The following LARGE1 variants were observed in gnomAD, a reference collection of about 807,000 sequenced individuals.
LARGE1 encodes the protein xylosyl- and glucuronyltransferase LARGE1.
LARGE1 carries 43 observed loss-of-function variants against 87.6 expected under a neutral mutation model. The ratio of observed to expected loss-of-function variants is 0.49; its 90% CI spans 0.38 to 0.63. The LOEUF (loss-of-function observed/expected upper bound fraction) is 0.63, where lower values mean the gene tolerates loss of function less well. Among genes scored for constraint, LARGE1 ranks in the 30% least tolerant of loss-of-function variants. The pLI is 0.00. For missense variants in LARGE1, 802 were observed against 1,000.2 expected (o/e 0.80, Z 2.67); for synonymous variants, 434 against 394.6 (o/e 1.10, Z -1.18).
rs145140256 is a variant in LARGE1 at position 33,415,076 on chromosome 22, T to A, written c.892+17085A>T. On this transcript the variant is annotated intron_variant, in intron 7 of 14. Coordinates refer to ENST00000397394, the MANE Select transcript of LARGE1 (RefSeq NM_133642.5). ...GATCCTGGGGTGTGGAGAGGTGGCT[T>A]GAGTATCTTCAGGTCAGGATGCATG... Among the ~76,000 whole-genome samples the A allele has an allele frequency of 1.9e-3, 296 of 152,286 alleles. 1 individual carries two copies. The highest frequency in any genetic ancestry group is 6.9e-3 in the African/African-American group (288 of 41,566).
At chr22:33,262,318 C>A (rs1927677924) in intron 11 of LARGE1, among the ~76,000 whole-genome samples, 1 of 152,206 alleles carries the variant, frequency 6.6e-6, no homozygotes, top group Non-Finnish European at 1.5e-5. Flanking sequence ...TTCAGTCAAA[C>A]CCTTTCTGGG....
At chr22:33,795,882 G>C (rs1427519817) in intron 1 of LARGE1, among the ~76,000 whole-genome samples, 1 of 151,932 alleles carries the variant, frequency 6.6e-6, no homozygotes, top group East Asian at 1.9e-4. Flanking sequence ...ATAGCATTAG[G>C]AGATATACCT....
At chr22:33,879,236 GA>G (rs1278902715) in intron 1 of LARGE1, among the ~76,000 whole-genome samples, 1 of 152,198 alleles carries the variant, frequency 6.6e-6, no homozygotes, top group Non-Finnish European at 1.5e-5. Flanking sequence ...AAAGTGGTGG[GA>G]TTACAGGCGT....
At chr22:33,795,450 G>C (rs1277897209) in intron 1 of LARGE1, among the ~76,000 whole-genome samples, 1 of 152,192 alleles carries the variant, frequency 6.6e-6, no homozygotes, top group East Asian at 1.9e-4. Flanking sequence ...GAGAGACAAA[G>C]AGAGAAACAC....
intron 6 of LARGE1, among the ~76,000 whole-genome samples, chr22:33,531,167 G>GT (rs1380197709): frequency 6.6e-6 from 1 of 151,986 alleles, no homozygotes; most frequent in Non-Finnish European, 1.5e-5. Context: ...GTTTTGTTTT[G>GT]TTTTTTTGAG....
intron 7 of LARGE1, among the ~76,000 whole-genome samples, chr22:33,395,161 G>A (rs1055133768): frequency 6.7e-6 from 1 of 148,410 alleles, no homozygotes; most frequent in Non-Finnish European, 1.5e-5. Flanking sequence ...CCCCGGAGGC[G>A]GAGCTTGCAG....
chr22:33,804,874 AG>A (rs758469796), intron 1 of LARGE1, among the ~76,000 whole-genome samples: 52 of 152,198 alleles, frequency 3.4e-4, no homozygotes, highest in Non-Finnish European at 5.7e-4. Flanking sequence ...TGGCCTGCAA[AG>A]GCCAGCAACC....
chr22:33,254,017 C>A (rs1004551789), intron 11 of LARGE1, among the ~76,000 whole-genome samples: 1 of 151,188 alleles, frequency 6.6e-6, no homozygotes, highest in Admixed American at 6.6e-5. Context: ...TGACCAAGTT[C>A]TAGCCAATAA....
intron 10 of LARGE1, 77 bp from the exon 11 acceptor site, chr22:33,316,325 G>A: frequency 1.4e-6 from 2 of 1,438,996 alleles, no homozygotes; most frequent in Admixed American, 1.8e-5. Context: ...CTTGAGCCCT[G>A]CCCTCCCCTG....
intron 4 of LARGE1, among the ~76,000 whole-genome samples, chr22:33,616,729 G>A (rs775567836): frequency 5.9e-5 from 9 of 152,260 alleles, no homozygotes; most frequent in Non-Finnish European, 1.0e-4. Flanking sequence ...ACTAAATACT[G>A]TATGATTTCA....
intron 2 of LARGE1, among the ~76,000 whole-genome samples, chr22:33,651,698 C>A (rs1425322396): frequency 6.6e-6 from 1 of 152,138 alleles, no homozygotes; most frequent in Non-Finnish European, 1.5e-5. Flanking sequence ...TAACATGTCA[C>A]AAGGTCTGAG....
intron 11 of LARGE1, among the ~76,000 whole-genome samples, chr22:33,219,618 AC>A (rs774629517): frequency 5.3e-5 from 8 of 152,296 alleles, no homozygotes; most frequent in Admixed American, 1.3e-4. Flanking sequence ...GGGACCCCAA[AC>A]TTTCCATCTC....
At chr22:33,906,202 G>A (rs1033908034) in intron 1 of LARGE1, among the ~76,000 whole-genome samples, 1 of 152,086 alleles carries the variant, frequency 6.6e-6, no homozygotes, top group Non-Finnish European at 1.5e-5. Flanking sequence ...ATGAAAGGAG[G>A]ATTGGGAGAA....
At chr22:33,500,703 AC>A (rs1453521127) in intron 6 of LARGE1, among the ~76,000 whole-genome samples, 1 of 152,166 alleles carries the variant, frequency 6.6e-6, no homozygotes, top group Non-Finnish European at 1.5e-5. Context: ...TGATGAAAGC[AC>A]CTTTGCTTAC....
At chr22:33,106,506 CT>C in the LARGE1 span, among the ~76,000 whole-genome samples, 7 of 138,878 alleles carry the variant, frequency 5.0e-5, no homozygotes, top group African/African-American at 1.9e-4. Flanking sequence ...TTTTTTTTTT[CT>C]TTTTTTGAGA....
At chr22:33,863,380 T>C (rs2063988967) in intron 1 of LARGE1, among the ~76,000 whole-genome samples, 1 of 152,280 alleles carries the variant, frequency 6.6e-6, no homozygotes, top group Admixed American at 6.5e-5. Context: ...TGCCTCACGA[T>C]GGGGCCAGGG....
chr22:33,398,333 TACG>T (rs1465345182), intron 7 of LARGE1, among the ~76,000 whole-genome samples: 2 of 151,944 alleles, frequency 1.3e-5, no homozygotes, highest in Non-Finnish European at 2.9e-5. Flanking sequence ...AAACAACTAA[TACG>T]AAGTTAAAAA....
chr22:33,841,073 T>C (rs1445704162), intron 1 of LARGE1, among the ~76,000 whole-genome samples: 1 of 152,202 alleles, frequency 6.6e-6, no homozygotes, highest in Non-Finnish European at 1.5e-5. Context: ...TACAGGCCAA[T>C]GAAAGTGAGC....
intron 1 of LARGE1, among the ~76,000 whole-genome samples, chr22:33,821,261 G>C (rs62227782): frequency 6.6e-6 from 1 of 152,042 alleles, no homozygotes; most frequent in Non-Finnish European, 1.5e-5. Context: ...TCCAAGTCTC[G>C]ATGTCTTCAT....
Sources: gnomAD v4.1 joint callset for allele counts (sites outside exome capture counted in the v4.1 genomes callset) on GRCh38, gnomAD v4.1.1 for gene constraint, MANE v1.5 for transcripts, NCBI Gene and HGNC (gene_info 2026-07-23, HGNC 2026-07-21) for gene names.